Variants in GPR176 observed in about 807,000 individuals in gnomAD.
The protein encoded by GPR176 is G-protein coupled receptor 176.
In GPR176, 26 loss-of-function variants were observed where a neutral mutation model predicts 35.4. That is an observed-to-expected ratio of 0.74 (90% CI 0.54 to 1.02). The LOEUF (loss-of-function observed/expected upper bound fraction) is 1.02. GPR176 is among the 50% of genes least tolerant of loss of function. GPR176 has a pLI of 0.00. For synonymous variants in GPR176, 278 were observed against 271.3 expected (o/e 1.02, Z -0.24); for missense variants, 597 against 665.3 (o/e 0.90, Z 1.13).
chr15:39,815,974 G>A (rs891418008), intron 1 of GPR176, among the ~76,000 whole-genome samples: 3 of 152,210 alleles, frequency 2.0e-5, no homozygotes, highest in Non-Finnish European at 4.4e-5. Flanking sequence ...TTAAGAAAAG[G>A]AGGAAATCCT....
chr15:39,850,773 A>G (rs2030809076), intron 1 of GPR176, among the ~76,000 whole-genome samples: 1 of 152,186 alleles, frequency 6.6e-6, no homozygotes, highest in Non-Finnish European at 1.5e-5. Context: ...CTGCATGTCA[A>G]TCTATAGTTA....
At chr15:39,872,785 CAA>C (rs1481047125) in intron 1 of GPR176, among the ~76,000 whole-genome samples, 9 of 152,236 alleles carry the variant, frequency 5.9e-5, no homozygotes, top group African/African-American at 2.2e-4. Context: ...TCACTTTTCG[CAA>C]AGATAGCACT....
intron 1 of GPR176, among the ~76,000 whole-genome samples, chr15:39,844,497 A>G (rs939254792): frequency 1.3e-5 from 2 of 152,084 alleles, no homozygotes; most frequent in Admixed American, 1.3e-4. Context: ...GGATCAGCCA[A>G]GAGGACCCCT....
In GPR176 at chr15:39,919,852, T is replaced by C; in HGVS notation, c.172+3A>G. On this transcript the variant is annotated splice_donor_region_variant and intron_variant, in intron 1 of 2. Transcript: ENST00000561100. Reference sequence around the variant, plus strand: ...GTCCGGAGGCGCCCCGCGGGAGGCTTACCGAGCAGCGAGCCTATGAAGATG... The same window carrying C: ...GTCCGGAGGCGCCCCGCGGGAGGCTCACCGAGCAGCGAGCCTATGAAGATG... 1 of 1,414,988 alleles carries C rather than the reference T, an allele frequency of 7.1e-7. No individual in the cohort carries two copies. Among genetic ancestry groups the C allele is most frequent in the Non-Finnish European group, 9.3e-7 (1 of 1,080,154 alleles). The allele number at this position is 1,414,988 out of a possible 1,614,324, so 87.7% of individuals were successfully genotyped here. A position where few individuals can be genotyped will look rare whatever the true frequency, so the allele number is the denominator to read the frequency against.
intron 1 of GPR176, chr15:39,815,055 A>G (rs1899806204): frequency 6.6e-6 from 1 of 152,220 alleles, no homozygotes; most frequent in Non-Finnish European, 1.5e-5. Context: ...TCTTGTGAAT[A>G]GTATGTGCTG....
intron 1 of GPR176, among the ~76,000 whole-genome samples, chr15:39,866,218 G>C (rs920431412): frequency 5.9e-5 from 9 of 152,096 alleles, no homozygotes; most frequent in Non-Finnish European, 1.2e-4. Context: ...AAAATGTATG[G>C]AAAGTGGATA....
intron 1 of GPR176, among the ~76,000 whole-genome samples, chr15:39,918,736 A>G (rs1341247022): frequency 1.3e-5 from 2 of 152,202 alleles, no homozygotes; most frequent in Non-Finnish European, 2.9e-5. Flanking sequence ...CTCGTAACAA[A>G]AAAATCGAAG....
At position 39,799,337 on chromosome 15, in the gene GPR176, C is replaced by T. The variant is rs1898717374; in HGVS notation, c.*1795G>A. On this transcript the variant is annotated 3_prime_UTR_variant, in exon 3 of 3. Transcript: ENST00000561100. ...AGGGCCACAGCATTGACTATCAGGG[C>T]AAGGAGCTATAGATGCCATGCACGC... The T allele has an allele frequency of 6.6e-6, 1 of 152,234 alleles. No individual in the cohort carries two copies. The highest frequency in any genetic ancestry group is 2.1e-4 in the South Asian group (1 of 4,826). The allele number at this position is 152,234 out of a possible 1,614,324, so 9.4% of individuals were successfully genotyped here.
chr15:39,829,614 A>C (rs1478161862), intron 1 of GPR176, among the ~76,000 whole-genome samples: 1 of 44,962 alleles, frequency 2.2e-5, no homozygotes, highest in African/African-American at 6.3e-5. Flanking sequence ...ATGTTTATTG[A>C]TTTCACTTTA....
At chr15:39,844,545 A>T (rs533001257) in intron 1 of GPR176, among the ~76,000 whole-genome samples, 6 of 151,974 alleles carry the variant, frequency 3.9e-5, no homozygotes, top group African/African-American at 1.5e-4. Flanking sequence ...ATCTGTTCCG[A>T]GGACCTAATG....
At chr15:39,910,148 T>C (rs1258658890) in intron 1 of GPR176, among the ~76,000 whole-genome samples, 1 of 152,248 alleles carries the variant, frequency 6.6e-6, no homozygotes, top group African/African-American at 2.4e-5. Context: ...CACAAGGTTA[T>C]TATGATGACT....
At position 39,801,852 on chromosome 15, in the gene GPR176, G is replaced by T. The variant is rs1171474752; in HGVS notation, c.828C>A (p.Ile276=). 1 of 1,613,982 alleles carries T rather than the reference G, an allele frequency of 6.2e-7. No individual in the cohort carries two copies. Among genetic ancestry groups the T allele is most frequent in the African/African-American group, 1.3e-5 (1 of 74,910 alleles). The change falls in exon 3 of 3, where the codon ATC becomes ATA. Residue 276 remains isoleucine (I), a synonymous_variant. Coordinates refer to ENST00000561100, the MANE Select transcript of GPR176 (RefSeq NM_007223.3). ...ATLLSMVMVF[I]LCSVPYATLV... The stretch of plus-strand genomic sequence containing the variant: ...GGGTGGCATAGGGCACGCTACACAA[G>T]ATGAAGACCATCACCATGGAGAGCA...
chr15:39,859,771 G>A (rs1163863093), intron 1 of GPR176, among the ~76,000 whole-genome samples: 1 of 152,132 alleles, frequency 6.6e-6, no homozygotes, highest in African/African-American at 2.4e-5. Flanking sequence ...CAAATTCGTA[G>A]AGACAGAAAG....
chr15:39,878,734 A>G (rs996497966), intron 1 of GPR176, among the ~76,000 whole-genome samples: 1 of 152,208 alleles, frequency 6.6e-6, no homozygotes, highest in Non-Finnish European at 1.5e-5. Flanking sequence ...CAATTAATTT[A>G]CATTCATACC....
At chr15:39,918,424 AATAT>A (rs1263363579) in intron 1 of GPR176, among the ~76,000 whole-genome samples, 1 of 152,050 alleles carries the variant, frequency 6.6e-6, no homozygotes, top group Non-Finnish European at 1.5e-5. Flanking sequence ...GGGAGGGAAA[AATAT>A]ATATACATGT....
intron 1 of GPR176, among the ~76,000 whole-genome samples, chr15:39,909,617 T>C (rs372299476): frequency 3.3e-5 from 5 of 152,156 alleles, no homozygotes; most frequent in African/African-American, 1.2e-4. Context: ...AACAAAGACA[T>C]ACATTTAAAA....
chr15:39,861,764 T>G (rs902981651), intron 1 of GPR176, among the ~76,000 whole-genome samples: 2 of 151,832 alleles, frequency 1.3e-5, no homozygotes, highest in African/African-American at 4.8e-5. Flanking sequence ...AGCTGGAGAG[T>G]TGCTAGTATT....
At chr15:39,908,658 C>T (rs2140876295) in intron 1 of GPR176, among the ~76,000 whole-genome samples, 1 of 152,084 alleles carries the variant, frequency 6.6e-6, no homozygotes, top group East Asian at 1.9e-4. Context: ...TCATTCTCTC[C>T]CCCTACTCCC....
chr15:39,840,496 C>A (rs552505338), intron 1 of GPR176, among the ~76,000 whole-genome samples: 19 of 151,850 alleles, frequency 1.3e-4, no homozygotes, highest in African/African-American at 3.9e-4. Context: ...GTGGGGGTAG[C>A]GGGGAGGGAT....
Sources: gnomAD v4.1 joint callset for allele counts (sites outside exome capture counted in the v4.1 genomes callset) on GRCh38, gnomAD v4.1.1 for gene constraint, MANE v1.5 for transcripts, NCBI Gene and HGNC (gene_info 2026-07-23, HGNC 2026-07-21) for gene names.